The following LIN28B variants were observed in gnomAD, a reference collection of about 807,000 sequenced individuals.
LIN28B encodes the protein protein lin-28 homolog B.
LIN28B carries 5 observed loss-of-function variants against 21.9 expected under a neutral mutation model. The observed-to-expected ratio is 0.23, with a 90% confidence interval of 0.12 to 0.48. LIN28B has a LOEUF of 0.48. LIN28B is among the 20% of genes least tolerant of loss of function. LIN28B has a pLI of 0.98. For missense variants in LIN28B, 245 were observed against 310.5 expected, an observed-to-expected ratio of 0.79 and a Z score of 1.58; for synonymous variants, 109 against 111.3, an observed-to-expected ratio of 0.98 and a Z score of 0.13.
At chr6:104,953,230 C>G (rs1252621492), upstream of LIN28B, among the ~76,000 whole-genome samples, 1 of 152,036 alleles carries the variant, frequency 6.6e-6, no homozygotes, top group African/African-American at 2.4e-5. Flanking sequence ...CTCCGAAGGC[C>G]CAGGGCGACG....
intron 3 of LIN28B, among the ~76,000 whole-genome samples, chr6:105,041,665 A>G (rs556148389): frequency 1.3e-5 from 2 of 152,276 alleles, no homozygotes; most frequent in South Asian, 4.1e-4. Context: ...TTCTGGTGCA[A>G]GTTACACAAA....
At position 105,024,323 on chromosome 6, in the gene LIN28B, CAT is replaced by C. The variant is rs1222298074; in HGVS notation, c.199-1972_199-1971del. Among the ~76,000 whole-genome samples the C allele has an allele frequency of 3.3e-5, 5 of 152,230 alleles. No homozygotes were observed. In the East Asian group the frequency reaches 9.7e-4, roughly 29 times the overall value. Reference sequence around the variant, plus strand: ...TAGAGTTTTTGTTGCCAAAACAAAACATATGAACATATGATAGCTCTAATAAA... The same window carrying C: ...TAGAGTTTTTGTTGCCAAAACAAAACATGAACATATGATAGCTCTAATAAA... On this transcript the variant is annotated intron_variant, in intron 2 of 3. Transcript: ENST00000345080.
At chr6:104,950,516 C>CTTT in intron 3 of LIN28B, 15 of 1,035,776 alleles carry the variant, frequency 1.4e-5, no homozygotes, top group Non-Finnish European at 1.8e-5. Context: ...CCAGGTTAGT[C>CTTT]TTTTTTTTTT....
Position 105,054,637 on chromosome 6 carries a change from G to C in LIN28B, c.384-23777G>C, listed in dbSNP as rs142367843. Among the ~76,000 whole-genome samples, 33 of 152,350 alleles carry C rather than the reference G, an allele frequency of 2.2e-4. No homozygotes were observed. The East Asian group carries it at 4.4e-3, about 20-fold the overall frequency. On this transcript the variant is annotated intron_variant, in intron 3 of 3. Transcript: ENST00000345080. ...GGGACTGACTAATTCTGTGGAGGGAGTGGGAGAGTGACAACCTGAAACCTG... is the reference window on the plus strand; with the variant it reads ...GGGACTGACTAATTCTGTGGAGGGACTGGGAGAGTGACAACCTGAAACCTG...
chr6:105,026,333 A>G lies in LIN28B; in HGVS notation c.234A>G (p.Lys78=), dbSNP rs1282436952. The G allele has an allele frequency of 6.2e-7, 1 of 1,611,158 alleles. No homozygotes were observed. Among genetic ancestry groups the G allele is most frequent in the Admixed American group, 1.7e-5 (1 of 59,488 alleles). The change falls in exon 3 of 4, where the codon AAA becomes AAG. Residue 78 remains lysine, a synonymous_variant. Coordinates refer to ENST00000345080, the MANE Select transcript of LIN28B (RefSeq NM_001004317.4). ...TCATGGAAGGATTTAGAAGCCTAAAAGAAGGAGAACCAGTGGAATTCACAT... is the reference window on the plus strand; with the variant it reads ...TCATGGAAGGATTTAGAAGCCTAAAGGAAGGAGAACCAGTGGAATTCACAT... ...KLFMEGFRSL[K]EGEPVEFTFK...
intron 2 of LIN28B, among the ~76,000 whole-genome samples, chr6:104,942,637 T>C (rs930927584): frequency 3.9e-5 from 6 of 152,162 alleles, no homozygotes; most frequent in Admixed American, 2.0e-4. Context: ...TACACCCTTG[T>C]CCATCTTAGG....
At chr6:104,985,311 C>T (rs1770312052) in intron 2 of LIN28B, among the ~76,000 whole-genome samples, 1 of 152,016 alleles carries the variant, frequency 6.6e-6, no homozygotes, top group Non-Finnish European at 1.5e-5. Flanking sequence ...GTTTTTAATA[C>T]TAGGTTTGAT....
intron 2 of LIN28B, among the ~76,000 whole-genome samples, chr6:104,980,751 T>A (rs923345090): frequency 6.6e-6 from 1 of 152,176 alleles, no homozygotes; most frequent in African/African-American, 2.4e-5. Flanking sequence ...CTCTATACTC[T>A]AGGATACTTC....
At chr6:104,955,134 A>G (rs1358094795), upstream of LIN28B, among the ~76,000 whole-genome samples, 1 of 152,200 alleles carries the variant, frequency 6.6e-6, no homozygotes, top group Admixed American at 6.5e-5. Flanking sequence ...TCGATTTCAT[A>G]TTATGTCACA....
At chr6:105,058,806 C>T (rs1171076160) in intron 3 of LIN28B, among the ~76,000 whole-genome samples, 1 of 152,102 alleles carries the variant, frequency 6.6e-6, no homozygotes, top group Non-Finnish European at 1.5e-5. Context: ...TTAAAATTTG[C>T]ACTTTTGCTC....
At chr6:105,054,958 A>G (rs946023738) in intron 3 of LIN28B, among the ~76,000 whole-genome samples, 5 of 151,846 alleles carry the variant, frequency 3.3e-5, no homozygotes, top group Non-Finnish European at 5.9e-5. Flanking sequence ...AGAATTCTCA[A>G]TTGAAAGGGT....
At chr6:105,066,252 T>C (rs1342258117) in intron 3 of LIN28B, among the ~76,000 whole-genome samples, 1 of 152,216 alleles carries the variant, frequency 6.6e-6, no homozygotes, top group Non-Finnish European at 1.5e-5. Context: ...CAGTCAGCCA[T>C]ACACCAATAG....
At chr6:104,987,304 CT>C (rs1417884953) in intron 2 of LIN28B, among the ~76,000 whole-genome samples, 1 of 151,980 alleles carries the variant, frequency 6.6e-6, no homozygotes, top group African/African-American at 2.4e-5. Flanking sequence ...TAATATCGCC[CT>C]TGCATCTTGC....
intron 2 of LIN28B, among the ~76,000 whole-genome samples, chr6:104,941,609 C>G (rs913055561): frequency 6.6e-6 from 1 of 151,792 alleles, no homozygotes; most frequent in Non-Finnish European, 1.5e-5. Context: ...CCCTTTCGCG[C>G]TCCGCAAGCC....
At chr6:105,001,349 G>A (rs1469761615) in intron 2 of LIN28B, among the ~76,000 whole-genome samples, 1 of 152,138 alleles carries the variant, frequency 6.6e-6, no homozygotes, top group African/African-American at 2.4e-5. Context: ...GACTGTCAGT[G>A]ATGTTTATGC....
chr6:104,983,546 G>A (rs565110339), intron 2 of LIN28B, among the ~76,000 whole-genome samples: 17 of 152,206 alleles, frequency 1.1e-4, no homozygotes, highest in African/African-American at 4.1e-4. Context: ...ACAAATCTTG[G>A]TGTGCTAGCC....
At chr6:104,952,679 G>A (rs1386232639), upstream of LIN28B, among the ~76,000 whole-genome samples, 1 of 152,120 alleles carries the variant, frequency 6.6e-6, no homozygotes, top group Non-Finnish European at 1.5e-5. Context: ...GAAATGTAAA[G>A]GGAAATTTTG....
At chr6:104,981,309 A>C (rs760785505) in intron 2 of LIN28B, among the ~76,000 whole-genome samples, 1 of 152,140 alleles carries the variant, frequency 6.6e-6, no homozygotes, top group Non-Finnish European at 1.5e-5. Flanking sequence ...TTCTGCTTTA[A>C]AGTCTTTAAC....
chr6:104,939,353 G>T (rs1248343424), intron 2 of LIN28B: 38 of 152,352 alleles, frequency 2.5e-4, no homozygotes, highest in Admixed American at 2.4e-3. Context: ...CATCTTTAAA[G>T]TAAGTGGTAT....
Sources: gnomAD v4.1 joint callset for allele counts (sites outside exome capture counted in the v4.1 genomes callset) on GRCh38, gnomAD v4.1.1 for gene constraint, MANE v1.5 for transcripts, NCBI Gene and HGNC (gene_info 2026-07-23, HGNC 2026-07-21) for gene names.